The following SETD1B variants were observed in gnomAD, a reference collection of about 807,000 sequenced individuals.
SETD1B encodes SET domain containing 1B, histone lysine methyltransferase.
A neutral mutation model predicts 148.0 loss-of-function variants in SETD1B; 7 were observed. That is an observed-to-expected ratio of 0.05 (90% CI 0.03 to 0.09). The LOEUF is 0.09. Among genes scored for constraint, SETD1B ranks in the 10% least tolerant of loss-of-function variants. The pLI, the probability that SETD1B is intolerant of heterozygous loss-of-function variation, is 1.00. For missense variants in SETD1B, 2,155 were observed against 2,729.9 expected (o/e 0.79, Z 4.69); for synonymous variants, 1,361 against 1,186.5 (o/e 1.15, Z -3.02).
chr12:121,826,465 G>A (rs1876845976), intron 13 of SETD1B, among the ~76,000 whole-genome samples: 1 of 152,120 alleles, frequency 6.6e-6, no homozygotes, highest in Non-Finnish European at 1.5e-5. Flanking sequence ...ACCCCAGCAG[G>A]CCTCCCTAGG....
Position 121,816,209 on chromosome 12 carries a change from G to T in SETD1B, c.2716-824G>T, listed in dbSNP as rs905205957. Among the ~76,000 whole-genome samples, 13 of 152,236 alleles carry T rather than the reference G, an allele frequency of 8.5e-5. No individual in the cohort carries two copies. In the South Asian group the frequency reaches 1.0e-3, roughly 12 times the overall value. On this transcript the variant is annotated intron_variant, in intron 7 of 16. Coordinates refer to ENST00000604567, the MANE Select transcript of SETD1B (RefSeq NM_001353345.2). The stretch of plus-strand genomic sequence containing the variant: ...AATTACTTATTTTCTCCATAAGAGA[G>T]AACTTTTTCTTGAATACTTTAAACT...
intron 11 of SETD1B, 30 bp downstream of exon 11, chr12:121,819,925 T>TGGGAGGGAGGC (rs1210177200): frequency 6.5e-7 from 1 of 1,529,220 alleles, no homozygotes; most frequent in Admixed American, 2.1e-5. Context: ...GGGAGGGTGG[T>TGGGAGGGAGGC]GGGAGGGAGG....
In SETD1B at chr12:121,810,711, G is replaced by C; in HGVS notation, c.1766G>C (p.Gly589Ala). ...GACGAGGACGAGGAGCTCGACCTGGGCCTTGGGCCTCGGCCTCCACCTGAG... is the reference window on the plus strand; with the variant it reads ...GACGAGGACGAGGAGCTCGACCTGGCCCTTGGGCCTCGGCCTCCACCTGAG... ...DSDEDEELDL[G>A]LGPRPPPEPG... Residue 589 changes from glycine (G) to alanine (A), a missense_variant, in exon 6 of 17, where the codon GGC (glycine) becomes GCC (alanine). By Grantham distance (60) the Gly-to-Ala change is moderately conservative (BLOSUM62 0). Coordinates refer to ENST00000604567, the MANE Select transcript of SETD1B (RefSeq NM_001353345.2). The surrounding 1 kb of genome is among the most constrained non-coding windows in gnomAD (Gnocchi z 7.6). 6.4e-7 allele frequency: 1 copy of C among 1,551,054 alleles called. No individual in the cohort carries two copies. Among genetic ancestry groups the C allele is most frequent in the Admixed American group, 2.0e-5 (1 of 50,982 alleles).
intron 11 of SETD1B, among the ~76,000 whole-genome samples, chr12:121,820,352 C>T (rs760451088): frequency 1.3e-4 from 20 of 152,344 alleles, no homozygotes; most frequent in Admixed American, 6.5e-4. Flanking sequence ...GTAGAACTTT[C>T]CACAGTGATG....
At chr12:121,799,483 G>A (rs1197897870), upstream of SETD1B, 1 of 152,276 alleles carries the variant, frequency 6.6e-6, no homozygotes, top group East Asian at 1.9e-4. Flanking sequence ...CTGGAGGGAA[G>A]GCCACAGCAC....
intron 10 of SETD1B, among the ~76,000 whole-genome samples, chr12:121,818,374 C>G (rs541417182): frequency 1.6e-4 from 25 of 151,764 alleles, no homozygotes; most frequent in Non-Finnish European, 2.5e-4. Context: ...ACCAGCCTGG[C>G]CAACATGGTG....
chr12:121,814,400 C>T lies in SETD1B; in HGVS notation c.2185C>T (p.Pro729Ser). ...AHPAVTVPPP[P>S]LPAPPGVPPP... ...CCCTGCTGTGACAGTGCCCCCACCA[C>T]CCTTGCCAGCGCCGCCTGGAGTCCC... Residue 729 changes from proline to serine, a missense_variant, in exon 7 of 17, where the codon CCC becomes TCC. This residue lies in a region of SETD1B where 295 missense variants were observed against 303.8 expected (regional missense o/e 0.97). Coordinates refer to ENST00000604567, the MANE Select transcript of SETD1B (RefSeq NM_001353345.2). 1.4e-6 allele frequency: 2 copies of T among 1,392,736 alleles called. No homozygotes were observed. Among genetic ancestry groups the T allele is most frequent in the Non-Finnish European group, 1.9e-6 (2 of 1,061,678 alleles). 86.3% of individuals were successfully genotyped at this position (1,392,736 alleles called of 1,614,324 possible). A position where few individuals can be genotyped will look rare whatever the true frequency, so the allele number is the denominator to read the frequency against.
In SETD1B at chr12:121,817,843, C is replaced by T. The variant is rs751509402; in HGVS notation, c.3357C>T (p.Asn1119=). 102 of 1,551,054 alleles carry T rather than the reference C, an allele frequency of 6.6e-5. No homozygotes were observed. The highest frequency in any genetic ancestry group is 2.9e-4 in the South Asian group (24 of 84,010). The change falls in exon 10 of 17, where the codon AAC becomes AAT. Residue 1119 remains asparagine, a synonymous_variant. Transcript: ENST00000604567. The surrounding 1 kb of genome is among the most constrained non-coding windows in gnomAD (Gnocchi z 8.1). ...DDSDDRDESE[N]DDEDTALSEA... ...GTGATGACCGGGACGAGTCTGAGAA[C>T]GATGACGAGGACACAGCCCTGTCAG...
At chr12:121,803,792 A>G (rs1438749817), upstream of SETD1B, 3 of 151,416 alleles carry the variant, frequency 2.0e-5, no homozygotes, top group African/African-American at 7.3e-5. The surrounding 1 kb of genome is among the most constrained non-coding windows in gnomAD (Gnocchi z 4.7). Context: ...TCCCAGAAAA[A>G]TAAATAAATT....
At chr12:121,812,981 C>A (rs1876113207) in intron 6 of SETD1B, among the ~76,000 whole-genome samples, 1 of 152,094 alleles carries the variant, frequency 6.6e-6, no homozygotes, top group Admixed American at 6.6e-5. Flanking sequence ...TCCCCCCACC[C>A]CAAGTCCAGA....
Position 121,809,949 on chromosome 12 carries a change from C to T in SETD1B, c.1004C>T (p.Ala335Val), listed in dbSNP as rs866262581. 31 of 1,550,986 alleles carry T rather than the reference C, an allele frequency of 2.0e-5. No individual in the cohort carries two copies. In the Middle Eastern group the frequency reaches 1.3e-3, roughly 67 times the overall value. ...CATCATTATGTACACAATTCTCCCG[C>T]GGTCACTGCGGTGGCCGGGGCCACA... ...HEHHYVHNSP[A>V]VTAVAGATAA... The change falls in exon 6 of 17, where the codon GCG becomes GTG. Residue 335 changes from alanine (A) to valine (V), a missense_variant. By Grantham distance (64) the Ala-to-Val change is moderately conservative (BLOSUM62 0). Around this residue, in one of 11 missense-constraint regions of SETD1B, gnomAD observed 376 missense variants for 385.0 expected, o/e 0.98. Transcript: ENST00000604567.
At position 121,808,118 on chromosome 12, in the gene SETD1B, C is replaced by A; in HGVS notation, c.545-90C>A. The A allele has an allele frequency of 9.9e-7, 1 of 1,009,176 alleles. No individual in the cohort carries two copies. Among genetic ancestry groups the A allele is most frequent in the Non-Finnish European group, 1.5e-6 (1 of 675,300 alleles). 62.5% of individuals were successfully genotyped at this position (1,009,176 alleles called of 1,614,324 possible). A position where few individuals can be genotyped will look rare whatever the true frequency, so the allele number is the denominator to read the frequency against. ...GGACTGGGGTCTCGGGCACAAGGGA[C>A]CCACCAGGGTGCCACACAGGTTGGA... On this transcript the variant is annotated intron_variant, in intron 4 of 16. Transcript: ENST00000604567. The surrounding 1 kb of genome is among the most constrained non-coding windows in gnomAD (Gnocchi z 5.3).
rs1056812920 is a variant in SETD1B at position 121,822,956 on chromosome 12, C to T, written c.4377C>T (p.Ser1459=). The T allele has an allele frequency of 3.2e-5, 49 of 1,538,912 alleles. No homozygotes were observed. The highest frequency in any genetic ancestry group is 2.2e-4 in the Admixed American group (11 of 50,308). ...PLPTGRRDER[S]GPLASPVLLE... ...CCACTGGCCGACGCGATGAACGCTC[C>T]GGGCCCCTGGCCTCCCCGGTGCTCC... The change falls in exon 12 of 17, where the codon TCC becomes TCT. Residue 1459 remains serine, a synonymous_variant. Transcript: ENST00000604567.
At chr12:121,792,217 C>T in the SETD1B span, among the ~76,000 whole-genome samples, 4 of 151,764 alleles carry the variant, frequency 2.6e-5, no homozygotes, top group African/African-American at 9.7e-5. Flanking sequence ...ACCTCACACA[C>T]ACAAGGCTTG....
chr12:121,805,535 G>A lies in SETD1B; in HGVS notation c.274-300G>A, dbSNP rs146383894. On this transcript the variant is annotated intron_variant, in intron 3 of 16. Coordinates refer to ENST00000604567, the MANE Select transcript of SETD1B (RefSeq NM_001353345.2). This position sits in a 1 kb window ranked among gnomAD's most constrained non-coding sequence, Gnocchi z 4.2. ...AAGCCTGAGGGGTCGCCCCTGACCC[G>A]GCAGCAGGAAGAGAAGGCCAGAAAG... Among the ~76,000 whole-genome samples, 1 of 152,202 alleles carries A rather than the reference G, an allele frequency of 6.6e-6. No homozygotes were observed. Among genetic ancestry groups the A allele is most frequent in the Admixed American group, 6.5e-5 (1 of 15,302 alleles).
At chr12:121,811,732 T>C (rs1876043189) in intron 6 of SETD1B, among the ~76,000 whole-genome samples, 1 of 152,124 alleles carries the variant, frequency 6.6e-6, no homozygotes, top group Non-Finnish European at 1.5e-5. Context: ...GGAGGAGGAC[T>C]GCCCCCTTCT....
Position 121,819,501 on chromosome 12 carries a change from C to G in SETD1B, c.3516C>G (p.Pro1172=), listed in dbSNP as rs1200825315. The change falls in exon 11 of 17, where the codon CCC becomes CCG. Residue 1172 remains proline (P), a synonymous_variant. Transcript: ENST00000604567. The part of the protein sequence containing the change: ...SEFESSSESS[P]SSSEDEEEVV... The stretch of plus-strand genomic sequence containing the variant: ...TTGAGTCAAGCTCCGAGTCCTCGCC[C>G]TCATCCTCGGAGGATGAGGAGGAGG... The G allele has an allele frequency of 1.9e-6, 3 of 1,552,144 alleles. No individual in the cohort carries two copies. The African/African-American group carries it at 4.1e-5, about 21-fold the overall frequency.
rs1267995870 is a variant in SETD1B, at chr12:121,823,357, C to T, written c.4778C>T (p.Pro1593Leu). 6 of 1,296,470 alleles carry T rather than the reference C, an allele frequency of 4.6e-6. No homozygotes were observed. Among genetic ancestry groups the T allele is most frequent in the East Asian group, 5.7e-5 (2 of 34,826 alleles). The allele number at this position is 1,296,470 out of a possible 1,614,324, so 80.3% of individuals were successfully genotyped here. The change falls in exon 12 of 17, where the codon CCC becomes CTC. Residue 1593 changes from proline to leucine, a missense_variant. Physicochemically the swap from Pro to Leu is moderately conservative, Grantham distance 98. Around this residue, in one of 11 missense-constraint regions of SETD1B, gnomAD observed 862 missense variants for 873.8 expected, o/e 0.99. Transcript: ENST00000604567. Reference protein sequence around the residue: ...PPPLPPQPPPPPPPPPVEPTK... With the variant: ...PPPLPPQPPPLPPPPPVEPTK... ...CCCCTTCCCCCCCAGCCACCCCCAC[C>T]CCCACCTCCCCCACCTGTAGAGCCC...
intron 12 of SETD1B, 136 bp from the exon 13 acceptor site, chr12:121,825,064 G>A: frequency 1.2e-6 from 1 of 847,192 alleles, no homozygotes. Flanking sequence ...GCAGCCACGT[G>A]GAGGTGGCAT....
Sources: gnomAD v4.1 joint callset for allele counts (sites outside exome capture counted in the v4.1 genomes callset) on GRCh38, gnomAD v4.1.1 for gene constraint, gnomAD v4.1.1 regional missense constraint, Gnocchi (gnomAD v3.1) non-coding constraint, MANE v1.5 for transcripts, NCBI Gene and HGNC (gene_info 2026-07-23, HGNC 2026-07-21) for gene names.